Variants in GPC5 observed in about 807,000 individuals in gnomAD.
GPC5 encodes the protein glypican 5.
GPC5 carries 47 observed loss-of-function variants against 53.9 expected under a neutral mutation model. The observed-to-expected ratio is 0.87, with a 90% CI of 0.69 to 1.11. The LOEUF is 1.11. GPC5 is among the 50% of genes most tolerant of loss of function. GPC5 has a pLI of 0.00. For missense variants in GPC5, 748 were observed against 713.1 expected (o/e 1.05, Z -0.56); for synonymous variants, 286 against 263.3 (o/e 1.09, Z -0.84).
chr13:92,654,208 G>A (rs1283378056), intron 7 of GPC5, among the ~76,000 whole-genome samples: 1 of 152,104 alleles, frequency 6.6e-6, no homozygotes, highest in Non-Finnish European at 1.5e-5. Flanking sequence ...AAATGTTTAA[G>A]TGCCTCATTA....
chr13:91,419,221 T>G (rs370101781), intron 1 of GPC5, among the ~76,000 whole-genome samples: 18 of 152,178 alleles, frequency 1.2e-4, no homozygotes, highest in East Asian at 7.7e-4. Context: ...TGAATTTATA[T>G]TCTAGCTCTT....
chr13:91,481,396 A>C (rs529601276), intron 2 of GPC5, among the ~76,000 whole-genome samples: 42 of 152,348 alleles, frequency 2.8e-4, no homozygotes, highest in Middle Eastern at 3.4e-3. Flanking sequence ...ATTTTGGTAC[A>C]TAGAAAATAT....
chr13:92,859,603 G>C (rs188330733), intron 7 of GPC5, among the ~76,000 whole-genome samples: 1 of 151,954 alleles, frequency 6.6e-6, no homozygotes, highest in East Asian at 1.9e-4. Context: ...CAAATTACCT[G>C]TAAATTCTTA....
intron 2 of GPC5, among the ~76,000 whole-genome samples, chr13:91,673,808 C>CA (rs2035305915): frequency 6.6e-6 from 1 of 152,148 alleles, no homozygotes; most frequent in African/African-American, 2.4e-5. Context: ...TAATATCCAT[C>CA]AAAAACGAAA....
chr13:92,000,263 T>TC (rs1268184487), intron 6 of GPC5, among the ~76,000 whole-genome samples: 1 of 151,726 alleles, frequency 6.6e-6, no homozygotes, highest in Non-Finnish European at 1.5e-5. Flanking sequence ...TGTGCATATT[T>TC]TTTTTATTAA....
chr13:91,643,370 C>G (rs2139505245), intron 2 of GPC5, among the ~76,000 whole-genome samples: 1 of 152,242 alleles, frequency 6.6e-6, no homozygotes, highest in South Asian at 2.1e-4. Context: ...TAATTTAAGG[C>G]CTCATTGTCC....
intron 5 of GPC5, among the ~76,000 whole-genome samples, chr13:91,804,608 A>G (rs1566273222): frequency 6.6e-6 from 1 of 152,164 alleles, no homozygotes; most frequent in Admixed American, 6.6e-5. Flanking sequence ...GGAGAGAGAG[A>G]TGAATTATTC....
chr13:91,992,142 A>T (rs920213039), intron 6 of GPC5, among the ~76,000 whole-genome samples: 1 of 152,070 alleles, frequency 6.6e-6, no homozygotes, highest in African/African-American at 2.4e-5. Flanking sequence ...GGCTCAAGTG[A>T]TCCTCCTGCC....
intron 6 of GPC5, among the ~76,000 whole-genome samples, chr13:92,059,101 T>C (rs542833194): frequency 3.8e-4 from 58 of 152,338 alleles, no homozygotes; most frequent in African/African-American, 1.4e-3. Flanking sequence ...CTGTACTGTA[T>C]ACTGCTTTTT....
At chr13:91,492,708 C>G (rs1449031483) in intron 2 of GPC5, among the ~76,000 whole-genome samples, 1 of 152,186 alleles carries the variant, frequency 6.6e-6, no homozygotes. Flanking sequence ...TTCCAGCTAT[C>G]TGGGCATTCT....
At chr13:91,622,060 G>C (rs1454880202) in intron 2 of GPC5, among the ~76,000 whole-genome samples, 4 of 151,998 alleles carry the variant, frequency 2.6e-5, no homozygotes, top group Non-Finnish European at 5.9e-5. Flanking sequence ...AGGCTGGAAG[G>C]CTCAGCAAGT....
chr13:92,274,608 G>A (rs2042862414), intron 7 of GPC5, among the ~76,000 whole-genome samples: 1 of 152,112 alleles, frequency 6.6e-6, no homozygotes, highest in South Asian at 2.1e-4. Flanking sequence ...TCTCTCAGAA[G>A]GTTGCAATCA....
intron 5 of GPC5, among the ~76,000 whole-genome samples, chr13:91,787,326 A>G (rs943217365): frequency 1.3e-5 from 2 of 152,156 alleles, no homozygotes; most frequent in Non-Finnish European, 2.9e-5. Flanking sequence ...AATGCCATAT[A>G]TATGGTCTCA....
At chr13:92,750,785 G>A (rs1889366407) in intron 7 of GPC5, among the ~76,000 whole-genome samples, 1 of 152,174 alleles carries the variant, frequency 6.6e-6, no homozygotes, top group Non-Finnish European at 1.5e-5. Flanking sequence ...GCTGCGTGGA[G>A]AGTCATGTAA....
chr13:91,577,221 T>C (rs1232506822), intron 2 of GPC5, among the ~76,000 whole-genome samples: 2 of 152,230 alleles, frequency 1.3e-5, no homozygotes, highest in Non-Finnish European at 2.9e-5. Context: ...GTGGGAATTG[T>C]GGAAGTAGTT....
chr13:92,454,279 T>C (rs1878179763), intron 7 of GPC5, among the ~76,000 whole-genome samples: 1 of 152,230 alleles, frequency 6.6e-6, no homozygotes, highest in African/African-American at 2.4e-5. Flanking sequence ...GTGACTTGTC[T>C]TTATCAAAAA....
chr13:92,371,844 ATC>A (rs2043652950), intron 7 of GPC5, among the ~76,000 whole-genome samples: 2 of 152,190 alleles, frequency 1.3e-5, no homozygotes, highest in African/African-American at 4.8e-5. Flanking sequence ...TCCTAACCAT[ATC>A]AATGGATGTC....
chr13:92,341,756 G>C (rs1466484202), intron 7 of GPC5, among the ~76,000 whole-genome samples: 2 of 151,858 alleles, frequency 1.3e-5, no homozygotes, highest in African/African-American at 2.4e-5. Context: ...ACAACATAGT[G>C]AAACTTATTA....
At chr13:91,734,286 C>G (rs530981639) in intron 4 of GPC5, among the ~76,000 whole-genome samples, 1 of 151,326 alleles carries the variant, frequency 6.6e-6, no homozygotes, top group Non-Finnish European at 1.5e-5. Flanking sequence ...GCCCGAATTT[C>G]AGGAATTTCA....
Sources: allele counts gnomAD v4.1 joint callset (sites outside exome capture counted in the v4.1 genomes callset), GRCh38; gene constraint gnomAD v4.1.1; transcripts MANE v1.5; gene names NCBI Gene and HGNC (gene_info 2026-07-23, HGNC 2026-07-21).